Variants in ADH1C observed in about 807,000 individuals in gnomAD.
ADH1C encodes alcohol dehydrogenase 1C.
In ADH1C, 26 loss-of-function variants were observed where a neutral mutation model predicts 35.0. That is an observed-to-expected ratio of 0.74 (90% CI 0.54 to 1.03). The LOEUF (loss-of-function observed/expected upper bound fraction) is 1.03, where lower values mean the gene tolerates loss of function less well. ADH1C is among the 50% of genes least tolerant of loss of function. The pLI, the probability that ADH1C is intolerant of heterozygous loss-of-function variation, is 0.00. For missense variants in ADH1C, 413 were observed against 465.4 expected (o/e 0.89, Z 1.04); for synonymous variants, 170 against 169.3 (o/e 1.00, Z -0.03).
At position 99,345,008 on chromosome 4, in the gene ADH1C, A is replaced by T; in HGVS notation, c.421T>A (p.Phe141Ile). The change falls in exon 5 of 9, where the codon TTC becomes ATC. Residue 141 changes from phenylalanine (F) to isoleucine (I), a missense_variant. Coordinates refer to ENST00000515683, the MANE Select transcript of ADH1C (RefSeq NM_000669.5). ...FTCSGKPIHH[F>I]VGVSTFSQYT... ...TGGGAGAAGGTGCTGACGCCGACGA[A>T]GTGGTGGATGGGCTTCCCGCTGCAG... 6.2e-7 allele frequency: 1 copy of T among 1,614,172 alleles called. No individual in the cohort carries two copies. The highest frequency in any genetic ancestry group is 8.5e-7 in the Non-Finnish European group (1 of 1,180,032).
In ADH1C at chr4:99,344,910, A is replaced by G. The variant is rs765628134; in HGVS notation, c.519T>C (p.Ile173=). 6.2e-7 allele frequency: 1 copy of G among 1,614,210 alleles called. No homozygotes were observed. Among genetic ancestry groups the G allele is most frequent in the East Asian group, 2.2e-5 (1 of 44,884 alleles). ...AASPLEKVCL[I]GCGFSTGYGS... ...CATAACCAGTCGAAAATCCACAGCC[A>G]ATGAGGCAGACTTTCTCCAGGGGCG... Residue 173 remains isoleucine (I), a synonymous_variant, in exon 5 of 9, where the codon ATT becomes ATC. Coordinates refer to ENST00000515683, the MANE Select transcript of ADH1C (RefSeq NM_000669.5).
chr4:99,352,186 A>T (rs1357488309), intron 1 of ADH1C, among the ~76,000 whole-genome samples: 2 of 149,648 alleles, frequency 1.3e-5, no homozygotes, highest in East Asian at 3.8e-4. Context: ...AATCTTCTCA[A>T]ATCCCTCTCA....
chr4:99,341,992 C>G lies in ADH1C; in HGVS notation c.828+803G>C, dbSNP rs529840011. On this transcript the variant is annotated intron_variant, in intron 6 of 8. Coordinates refer to ENST00000515683, the MANE Select transcript of ADH1C (RefSeq NM_000669.5). ...ATATCACTGCACTCCAGCCTGGTGA[C>G]AGAGTGAGACCCTGTCTCAAAAAAA... is the stretch of plus-strand genomic sequence containing the variant. Among the ~76,000 whole-genome samples, 3 of 138,524 alleles carry G rather than the reference C, an allele frequency of 2.2e-5. No individual in the cohort carries two copies. In the Admixed American group the frequency reaches 2.4e-4, roughly 11 times the overall value. 90.9% of individuals were successfully genotyped at this position (138,524 alleles called of 152,430 possible).
Position 99,345,271 on chromosome 4 carries a change from A to G in ADH1C, c.260-5T>C. ...AGAGCGGGATGACTTTATCACCTGC[A>G]GAGGAATAAAACAAATTCTTCTTAA... On this transcript the variant is annotated splice_polypyrimidine_tract_variant and splice_region_variant and intron_variant, in intron 3 of 8. Coordinates refer to ENST00000515683, the MANE Select transcript of ADH1C (RefSeq NM_000669.5). 3 of 1,611,524 alleles carry G rather than the reference A, an allele frequency of 1.9e-6. No individual in the cohort carries two copies. The highest frequency in any genetic ancestry group is 2.7e-5 in the African/African-American group (2 of 75,006).
In ADH1C at chr4:99,352,677, T is replaced by C. The variant is rs1468513093; in HGVS notation, c.-2A>G. 3.7e-6 allele frequency: 6 copies of C among 1,612,998 alleles called. No homozygotes were observed. Among genetic ancestry groups the C allele is most frequent in the African/African-American group, 2.7e-5 (2 of 74,912 alleles). On this transcript the variant is annotated 5_prime_UTR_variant, in exon 1 of 9. Transcript: ENST00000515683. Reference sequence around the variant, plus strand: ...GCTTACTTTTCCTGCTGTGCTCATATTGATTCTGTCTTCTCTGCAGACCAG... The same window carrying C: ...GCTTACTTTTCCTGCTGTGCTCATACTGATTCTGTCTTCTCTGCAGACCAG...
Position 99,336,695 on chromosome 4 carries a change from G to T in ADH1C, c.*57C>A. The T allele has an allele frequency of 6.3e-7, 1 of 1,585,908 alleles. No homozygotes were observed. Among genetic ancestry groups the T allele is most frequent in the Non-Finnish European group, 8.7e-7 (1 of 1,154,660 alleles). ...ATGATATTTCCTAGCTGTTGCTCCA[G>T]ATCATGTAGGGTAGAGGAGGCTGAA... On this transcript the variant is annotated 3_prime_UTR_variant, in exon 9 of 9. Transcript: ENST00000515683.
chr4:99,347,871 T>C (rs1292439368), intron 1 of ADH1C, 25 bp from the exon 2 acceptor site: 4 of 1,612,332 alleles, frequency 2.5e-6, no homozygotes, highest in Admixed American at 3.3e-5. Flanking sequence ...AGAGAGATGG[T>C]ACCAGTGTTT....
chr4:99,345,404 A>C, intron 3 of ADH1C, 138 bp from the exon 4 acceptor site: 3 of 926,464 alleles, frequency 3.2e-6, no homozygotes, highest in Non-Finnish European at 1.6e-6. Context: ...CAACTATGTC[A>C]TTTGTCATTG....
chr4:99,339,440 A>G, intron 8 of ADH1C, 137 bp downstream of exon 8: 1 of 763,212 alleles, frequency 1.3e-6, no homozygotes, highest in Non-Finnish European at 2.0e-6. Flanking sequence ...GCAAAGATTG[A>G]ACTGGCAATG....
intron 6 of ADH1C, among the ~76,000 whole-genome samples, chr4:99,342,577 T>C (rs1283654224): frequency 6.6e-6 from 1 of 152,210 alleles, no homozygotes; most frequent in African/African-American, 2.4e-5. Flanking sequence ...GCCCTTTTTC[T>C]TTTCTCGAGG....
rs773145187 is a variant in ADH1C, at chr4:99,342,915, C to A, written c.708G>T (p.Leu236Phe). Reference sequence around the variant, plus strand: ...GAGGGTTGATGCATTCAGTGGCACCCAACTCTTTAGCCTTTGCAAATTTGT... The same window carrying A: ...GAGGGTTGATGCATTCAGTGGCACCAAACTCTTTAGCCTTTGCAAATTTGT... Reference protein sequence around the residue: ...NKDKFAKAKELGATECINPQD... With the variant: ...NKDKFAKAKEFGATECINPQD... Residue 236 changes from leucine to phenylalanine, a missense_variant, in exon 6 of 9, where the codon TTG (leucine) becomes TTT (phenylalanine). Physicochemically the swap from Leu to Phe is conservative, Grantham distance 22 (BLOSUM62 0). Coordinates refer to ENST00000515683, the MANE Select transcript of ADH1C (RefSeq NM_000669.5). The A allele has an allele frequency of 1.9e-6, 3 of 1,613,960 alleles. No individual in the cohort carries two copies. Among genetic ancestry groups the A allele is most frequent in the Non-Finnish European group, 1.7e-6 (2 of 1,180,026 alleles).
At position 99,339,647 on chromosome 4, in the gene ADH1C, C is replaced by T. The variant is rs1429525275; in HGVS notation, c.1033G>A (p.Ala345Thr). 1.2e-6 allele frequency: 2 copies of T among 1,611,360 alleles called. No individual in the cohort carries two copies. Among genetic ancestry groups the T allele is most frequent in the South Asian group, 1.1e-5 (1 of 90,748 alleles). Residue 345 changes from alanine to threonine, a missense_variant, in exon 8 of 9, where the codon GCA becomes ACA. By Grantham distance (58) the Ala-to-Thr change is moderately conservative. Transcript: ENST00000515683. ...AAAGGTAAAATATTTGTTATTAATG[C>T]ATCCAGTGAAAACTTCTTAGCCATA... ...DFMAKKFSLD[A>T]LITNILPFEK...
chr4:99,340,269 C>T (rs546878796), intron 7 of ADH1C, among the ~76,000 whole-genome samples: 1 of 152,102 alleles, frequency 6.6e-6, no homozygotes, highest in South Asian at 2.1e-4. Flanking sequence ...AAAAAATTAG[C>T]TGGGCACAGT....
intron 1 of ADH1C, among the ~76,000 whole-genome samples, chr4:99,348,472 C>G (rs1487001209): frequency 6.6e-6 from 1 of 151,200 alleles, no homozygotes; most frequent in African/African-American, 2.4e-5. Flanking sequence ...TTTTTTATGG[C>G]TGCATAGTAT....
At chr4:99,344,126 T>C (rs1239517004) in intron 5 of ADH1C, among the ~76,000 whole-genome samples, 1 of 152,232 alleles carries the variant, frequency 6.6e-6, no homozygotes, top group Non-Finnish European at 1.5e-5. Flanking sequence ...AGTGCTCATA[T>C]TAAGCAGAAG....
At chr4:99,350,186 C>G (rs1264724134) in intron 1 of ADH1C, among the ~76,000 whole-genome samples, 4 of 152,152 alleles carry the variant, frequency 2.6e-5, no homozygotes, top group African/African-American at 9.7e-5. Context: ...GTAGGAGTTT[C>G]TGATTGTCAG....
intron 6 of ADH1C, among the ~76,000 whole-genome samples, chr4:99,341,926 C>A (rs1278874082): frequency 1.3e-5 from 2 of 151,646 alleles, no homozygotes; most frequent in Non-Finnish European, 2.9e-5. Context: ...GTAGGAAACT[C>A]ACTTAAGCCC....
chr4:99,347,087 T>C lies in ADH1C; in HGVS notation c.178A>G (p.Thr60Ala). Residue 60 changes from threonine to alanine, a missense_variant, in exon 3 of 9, where the codon ACC becomes GCC. Transcript: ENST00000515683. ...DEHVVSGNLV[T>A]PLPVILGHEA... ...TGGCCTAAAATCACAGGAAGGGGGGTCACCAGGTTGCCACTAACCACATGC... is the reference window on the plus strand; with the variant it reads ...TGGCCTAAAATCACAGGAAGGGGGGCCACCAGGTTGCCACTAACCACATGC... 1 of 1,613,762 alleles carries C rather than the reference T, an allele frequency of 6.2e-7. No homozygotes were observed. The highest frequency in any genetic ancestry group is 1.6e-4 in the Middle Eastern group (1 of 6,062).
intron 7 of ADH1C, among the ~76,000 whole-genome samples, chr4:99,340,258 A>C (rs1296335833): frequency 6.6e-6 from 1 of 152,066 alleles, no homozygotes; most frequent in African/African-American, 2.4e-5. Flanking sequence ...ATCTCTACCC[A>C]AAAAAATTAG....
Sources: allele counts gnomAD v4.1 joint callset (sites outside exome capture counted in the v4.1 genomes callset), GRCh38; gene constraint gnomAD v4.1.1; transcripts MANE v1.5; gene names NCBI Gene and HGNC (gene_info 2026-07-23, HGNC 2026-07-21).